KHDRBS2: variants seen among roughly 807,000 people sequenced by gnomAD.
The protein encoded by KHDRBS2 is KH domain-containing, RNA-binding, signal transduction-associated protein 2.
A neutral mutation model predicts 44.3 loss-of-function variants in KHDRBS2; 26 were observed. That is an observed-to-expected ratio of 0.59 (90% CI 0.43 to 0.81). The LOEUF is 0.81. Ranked by LOEUF, KHDRBS2 falls within the 40% of genes least tolerant of loss-of-function variation. The pLI is 0.00. For synonymous variants in KHDRBS2, 194 were observed against 151.1 expected (o/e 1.28, Z -2.08); for missense variants, 476 against 433.1 (o/e 1.10, Z -0.88).
chr6:61,954,671 T>C (rs568353816), intron 4 of KHDRBS2, among the ~76,000 whole-genome samples: 9 of 131,868 alleles, frequency 6.8e-5, no homozygotes, highest in African/African-American at 2.4e-4. Flanking sequence ...TATGTGTATA[T>C]ACACATACAT....
At chr6:61,752,060 G>C (rs555254928) in intron 6 of KHDRBS2, among the ~76,000 whole-genome samples, 16 of 151,990 alleles carry the variant, frequency 1.1e-4, no homozygotes, top group Non-Finnish European at 1.6e-4. Context: ...GCCCTGTCTC[G>C]AAAACAGTAA....
At chr6:62,008,679 T>C (rs1050504134) in intron 3 of KHDRBS2, among the ~76,000 whole-genome samples, 3 of 152,150 alleles carry the variant, frequency 2.0e-5, no homozygotes, top group South Asian at 4.1e-4. Flanking sequence ...TGGGAGATGA[T>C]TGAACTATGG....
At chr6:62,274,085 G>A (rs187559892) in intron 1 of KHDRBS2, among the ~76,000 whole-genome samples, 138 of 152,068 alleles carry the variant, frequency 9.1e-4, no homozygotes, top group African/African-American at 3.0e-3. Flanking sequence ...ACAGGTGTGC[G>A]CCACCACACC....
At chr6:62,009,843 T>C (rs1779966354) in intron 3 of KHDRBS2, among the ~76,000 whole-genome samples, 2 of 152,120 alleles carry the variant, frequency 1.3e-5, no homozygotes, top group South Asian at 2.1e-4. Context: ...AGGAGATGTA[T>C]GAAAATGCAG....
chr6:62,165,510 T>C (rs1175380595), intron 2 of KHDRBS2, among the ~76,000 whole-genome samples: 1 of 151,794 alleles, frequency 6.6e-6, no homozygotes, highest in Non-Finnish European at 1.5e-5. Flanking sequence ...ATCTAAAAAT[T>C]AGTGAATTTG....
chr6:62,093,856 T>TTGTGTGTGTGTGTGTG (rs61194705), intron 2 of KHDRBS2, among the ~76,000 whole-genome samples: 64 of 143,306 alleles, frequency 4.5e-4, no homozygotes, highest in Non-Finnish European at 3.2e-4. Flanking sequence ...TTCCATTGTT[T>TTGTGTGTGTGTGTGTG]TGTGTGTGTG....
At chr6:61,773,169 C>T (rs1317621848) in intron 6 of KHDRBS2, among the ~76,000 whole-genome samples, 2 of 151,890 alleles carry the variant, frequency 1.3e-5, no homozygotes, top group East Asian at 1.9e-4. Context: ...AATGGGATGG[C>T]TGGGTCAAAT....
intron 1 of KHDRBS2, among the ~76,000 whole-genome samples, chr6:62,234,895 AC>A (rs1161906890): frequency 6.6e-6 from 1 of 152,016 alleles, no homozygotes; most frequent in African/African-American, 2.4e-5. Context: ...CCTATTCTGC[AC>A]CAAAACTCAA....
chr6:61,984,493 T>C (rs996030166), intron 3 of KHDRBS2, among the ~76,000 whole-genome samples: 10 of 152,100 alleles, frequency 6.6e-5, no homozygotes, highest in Non-Finnish European at 1.0e-4. Flanking sequence ...ACATCCATAA[T>C]CTTACTGAAA....
chr6:61,575,288 C>CA, the KHDRBS2 span, among the ~76,000 whole-genome samples: 1 of 152,008 alleles, frequency 6.6e-6, no homozygotes, highest in Non-Finnish European at 1.5e-5. Flanking sequence ...ATAATCCCAT[C>CA]AAAAAGTGGG....
intron 6 of KHDRBS2, among the ~76,000 whole-genome samples, chr6:61,892,186 A>C (rs1428060377): frequency 6.6e-6 from 1 of 152,116 alleles, no homozygotes; most frequent in Non-Finnish European, 1.5e-5. Flanking sequence ...TAGGAATCCA[A>C]CTTACAAGGG....
At chr6:61,596,703 G>C in the KHDRBS2 span, among the ~76,000 whole-genome samples, 1 of 152,036 alleles carries the variant, frequency 6.6e-6, no homozygotes, top group South Asian at 2.1e-4. Context: ...CCAGGCTGGA[G>C]TACAGTGGTG....
At chr6:62,056,378 C>G (rs1178130862) in intron 2 of KHDRBS2, among the ~76,000 whole-genome samples, 2 of 151,782 alleles carry the variant, frequency 1.3e-5, no homozygotes, top group Non-Finnish European at 2.9e-5. Context: ...TGAACACATG[C>G]CTATGTAGCA....
At chr6:62,254,761 C>A (rs770018884) in intron 1 of KHDRBS2, among the ~76,000 whole-genome samples, 10 of 152,006 alleles carry the variant, frequency 6.6e-5, no homozygotes, top group Admixed American at 2.0e-4. Context: ...TTCATTCTAA[C>A]TGCAACAAGC....
intron 6 of KHDRBS2, among the ~76,000 whole-genome samples, chr6:61,788,566 T>C (rs921647484): frequency 1.3e-5 from 2 of 151,544 alleles, no homozygotes; most frequent in Admixed American, 1.3e-4. Context: ...ACATATTTTA[T>C]GTGAATGTAA....
At chr6:61,603,756 T>C in the KHDRBS2 span, among the ~76,000 whole-genome samples, 1 of 152,184 alleles carries the variant, frequency 6.6e-6, no homozygotes, top group Admixed American at 6.5e-5. Flanking sequence ...ACTCACTCTT[T>C]GTTGAGCCTC....
the KHDRBS2 span, among the ~76,000 whole-genome samples, chr6:61,611,502 T>G: frequency 6.6e-6 from 1 of 152,330 alleles, no homozygotes; most frequent in Non-Finnish European, 1.5e-5. Context: ...AATTTAAGTT[T>G]TATCTCCTCT....
At chr6:61,965,339 C>G (rs754070653) in intron 4 of KHDRBS2, among the ~76,000 whole-genome samples, 1 of 151,984 alleles carries the variant, frequency 6.6e-6, no homozygotes, top group Admixed American at 6.6e-5. Flanking sequence ...TATGGTCAAC[C>G]GCTAGGACTG....
At chr6:62,271,941 T>G (rs1487631568) in intron 1 of KHDRBS2, among the ~76,000 whole-genome samples, 1 of 152,164 alleles carries the variant, frequency 6.6e-6, no homozygotes, top group Non-Finnish European at 1.5e-5. Context: ...GTTTATAAAG[T>G]CTACAGTAGT....
Sources: gnomAD v4.1 joint callset for allele counts (sites outside exome capture counted in the v4.1 genomes callset) on GRCh38, gnomAD v4.1.1 for gene constraint, MANE v1.5 for transcripts, NCBI Gene and HGNC (gene_info 2026-07-23, HGNC 2026-07-21) for gene names.